Variants in VWA5B1 observed in about 807,000 individuals in gnomAD.
The protein encoded by VWA5B1 is von Willebrand factor A domain-containing protein 5B1.
A neutral mutation model predicts 118.2 loss-of-function variants in VWA5B1; 115 were observed. The observed-to-expected ratio is 0.97, with a 90% confidence interval of 0.84 to 1.14. The LOEUF is 1.14. Ranked by LOEUF, VWA5B1 falls within the 50% of genes most tolerant of loss-of-function variation. The pLI is 0.00. For missense variants in VWA5B1, 1,596 were observed against 1,603.8 expected, an observed-to-expected ratio of 1.00 and a Z score of 0.08; for synonymous variants, 682 against 658.4, an observed-to-expected ratio of 1.04 and a Z score of -0.55.
rs549271892 is a variant in VWA5B1 at position 20,337,554 on chromosome 1, C to T, written c.1943-92C>T. 80 of 1,374,030 alleles carry T rather than the reference C, an allele frequency of 5.8e-5. No homozygotes were observed. The South Asian group carries it at 8.4e-4, about 15-fold the overall frequency. 85.1% of individuals were successfully genotyped at this position (1,374,030 alleles called of 1,614,324 possible). On this transcript the variant is annotated intron_variant, in intron 13 of 21. Transcript: ENST00000289815. The stretch of plus-strand genomic sequence containing the variant: ...ATTTCAGTAGGCAAGAGGTGGAGAA[C>T]GTGAGACACTTCCAAACAGGAAAGG...
chr1:20,353,948 C>T lies in VWA5B1; in HGVS notation c.3333C>T (p.Ser1111=), dbSNP rs2090181910. Residue 1111 remains serine (S), a synonymous_variant, in exon 22 of 22, where the codon TCC becomes TCT. Transcript: ENST00000289815. ...CCAGCTCCCCGCCTAGGCACCCGTC[C>T]TGTGACAGCTTCTCCCTGGAGCCTC... ...LCTSSPPRHP[S]CDSFSLEPLA... is the part of the protein sequence containing the mutation. The T allele has an allele frequency of 2.6e-6, 4 of 1,551,526 alleles. No individual in the cohort carries two copies. The highest frequency in any genetic ancestry group is 1.4e-5 in the African/African-American group (1 of 73,194).
chr1:20,352,851 G>A (rs2090156500), intron 21 of VWA5B1, among the ~76,000 whole-genome samples: 1 of 152,200 alleles, frequency 6.6e-6, no homozygotes, highest in Admixed American at 6.5e-5. Flanking sequence ...TACTCAACAA[G>A]TATTTATTGA....
At chr1:20,309,041 A>C (rs1280294869) in intron 1 of VWA5B1, among the ~76,000 whole-genome samples, 1 of 152,036 alleles carries the variant, frequency 6.6e-6, no homozygotes, top group Non-Finnish European at 1.5e-5. Flanking sequence ...CCACTTCTTC[A>C]AGGCATGTGA....
rs1285886556 is a variant in VWA5B1 at position 20,358,632 on chromosome 1, T to G, written c.*4369T>G. On this transcript the variant is annotated 3_prime_UTR_variant, in exon 22 of 22. Transcript: ENST00000289815. ...TAACATCTCTAAGTGGTCTCTAGAA[T>G]CAAATGCACTCCATACTTTTAGTGC... is the stretch of plus-strand genomic sequence containing the variant. 6.6e-6 allele frequency among the ~76,000 whole-genome samples: 1 copy of G among 152,120 alleles called. No individual in the cohort carries two copies. Among genetic ancestry groups the G allele is most frequent in the African/African-American group, 2.4e-5 (1 of 41,422 alleles).
chr1:20,307,843 T>C (rs10916757), intron 1 of VWA5B1, among the ~76,000 whole-genome samples: 36,782 of 150,766 alleles, frequency 0.24, 4,874 homozygotes, highest in East Asian at 0.4. Context: ...GATTTTGGTT[T>C]TTTATTTGCG....
chr1:20,340,746 G>A (rs894309193), intron 14 of VWA5B1, among the ~76,000 whole-genome samples: 1 of 152,080 alleles, frequency 6.6e-6, no homozygotes, highest in Non-Finnish European at 1.5e-5. Flanking sequence ...AATTCAGTCA[G>A]GTATAAAGTA....
chr1:20,346,452 T>G (rs1438235964), intron 17 of VWA5B1, among the ~76,000 whole-genome samples: 4 of 152,234 alleles, frequency 2.6e-5, no homozygotes, highest in Non-Finnish European at 4.4e-5. Context: ...TTATTCCCCA[T>G]TTGGTTATTG....
intron 1 of VWA5B1, among the ~76,000 whole-genome samples, chr1:20,303,923 C>T (rs1048206976): frequency 3.9e-5 from 6 of 152,182 alleles, no homozygotes; most frequent in African/African-American, 1.2e-4. Context: ...CTTTGGAGTC[C>T]GGGCTGGTTT....
At position 20,310,752 on chromosome 1, in the gene VWA5B1, T is replaced by C. The variant is rs1445644811; in HGVS notation, c.139+12T>C. 6.5e-7 allele frequency: 1 copy of C among 1,531,560 alleles called. No individual in the cohort carries two copies. The highest frequency in any genetic ancestry group is 8.8e-7 in the Non-Finnish European group (1 of 1,139,454). 94.9% of individuals were successfully genotyped at this position (1,531,560 alleles called of 1,614,324 possible). A position where few individuals can be genotyped will look rare whatever the true frequency, so the allele number is the denominator to read the frequency against. Reference sequence around the variant, plus strand: ...CCAGCCCTTCCAGGGTAAGGACACCTGCTGGGGCCTCCCCGGGACCACCCC... The same window carrying C: ...CCAGCCCTTCCAGGGTAAGGACACCCGCTGGGGCCTCCCCGGGACCACCCC... On this transcript the variant is annotated intron_variant, in intron 2 of 21. Transcript: ENST00000289815.
intron 11 of VWA5B1, 114 bp downstream of exon 11, chr1:20,331,097 A>G: frequency 1.2e-6 from 1 of 800,496 alleles, no homozygotes; most frequent in East Asian, 2.8e-5. Flanking sequence ...TGAGCTCTTC[A>G]CTAGGCCACA....
chr1:20,293,532 C>G (rs932228824), intron 1 of VWA5B1, among the ~76,000 whole-genome samples: 2 of 152,198 alleles, frequency 1.3e-5, no homozygotes, highest in Non-Finnish European at 2.9e-5. Flanking sequence ...ACACAACCTC[C>G]AGTGACCAAT....
chr1:20,291,339 C>CTCTTTCTT (rs767987500), intron 1 of VWA5B1, among the ~76,000 whole-genome samples: 15 of 135,018 alleles, frequency 1.1e-4, no homozygotes, highest in South Asian at 5.1e-4. Context: ...CTCTCTCTCT[C>CTCTTTCTT]TCTTTCTTTC....
rs1376305429 is a variant in VWA5B1 at position 20,330,314 on chromosome 1, C to T, written c.1389C>T (p.Ile463=). The T allele has an allele frequency of 1.3e-6, 2 of 1,551,680 alleles. No individual in the cohort carries two copies. Among genetic ancestry groups the T allele is most frequent in the Non-Finnish European group, 1.7e-6 (2 of 1,147,038 alleles). The change falls in exon 10 of 22, where the codon ATC becomes ATT. Residue 463 remains isoleucine (I), a synonymous_variant. Coordinates refer to ENST00000289815, the MANE Select transcript of VWA5B1 (RefSeq NM_001039500.3). ...HRGHPRLLFV[I]TDGAVNNTGK... The stretch of plus-strand genomic sequence containing the variant: ...GCCACCCGCGGCTCCTCTTCGTGAT[C>T]ACAGATGGCGCTGTCAACAACACAG...
chr1:20,307,276 G>A (rs1283840197), intron 1 of VWA5B1, among the ~76,000 whole-genome samples: 1 of 152,184 alleles, frequency 6.6e-6, no homozygotes, highest in Non-Finnish European at 1.5e-5. Context: ...GGTGTTTCCT[G>A]TGGCCCGCGC....
At chr1:20,297,996 A>ATTT (rs60497976) in intron 1 of VWA5B1, among the ~76,000 whole-genome samples, 6,559 of 125,512 alleles carry the variant, frequency 0.052, 275 homozygotes, top group Non-Finnish European at 0.062. Flanking sequence ...TCGGTGGTGG[A>ATTT]TTTTTTTTTT....
chr1:20,342,368 CCTT>C, intron 14 of VWA5B1, 61 bp from the exon 15 acceptor site: 4 of 1,512,498 alleles, frequency 2.6e-6, no homozygotes, highest in Admixed American at 2.0e-5. Context: ...TCTTCCTCCT[CCTT>C]CTCCTCCTCC....
intron 6 of VWA5B1, among the ~76,000 whole-genome samples, chr1:20,318,923 G>A (rs2089117644): frequency 6.6e-6 from 1 of 152,172 alleles, no homozygotes; most frequent in Non-Finnish European, 1.5e-5. Flanking sequence ...AGTGTCTCCT[G>A]CCCTGATTCA....
At position 20,336,337 on chromosome 1, in the gene VWA5B1, A is replaced by G. The variant is rs765082578; in HGVS notation, c.1793A>G (p.Gln598Arg). 2.6e-6 allele frequency: 4 copies of G among 1,517,270 alleles called. No individual in the cohort carries two copies. The highest frequency in any genetic ancestry group is 3.5e-6 in the Non-Finnish European group (4 of 1,128,800). The allele number at this position is 1,517,270 out of a possible 1,614,324, so 94.0% of individuals were successfully genotyped here. ...CGCCGGTACAGCATGCTGCACTCTCAGGAGTCTGGCAGCTCTGTCTTCTAC... is the reference window on the plus strand; with the variant it reads ...CGCCGGTACAGCATGCTGCACTCTCGGGAGTCTGGCAGCTCTGTCTTCTAC... ...KRRRYSMLHS[Q>R]ESGSSVFYHS... is the part of the protein sequence containing the mutation. The change falls in exon 13 of 22, where the codon CAG becomes CGG. Residue 598 changes from glutamine to arginine, a missense_variant. Physicochemically the swap from Gln to Arg is conservative, Grantham distance 43 (BLOSUM62 1). Transcript: ENST00000289815.
At position 20,330,616 on chromosome 1, in the gene VWA5B1, G is replaced by C. The variant is rs189369011; in HGVS notation, c.1457+234G>C. Reference sequence around the variant, plus strand: ...ACACGACTCACAAGAGAAGCCCAGGGAGAGGTCCCACAGCCAAGGGAGAGG... The same window carrying C: ...ACACGACTCACAAGAGAAGCCCAGGCAGAGGTCCCACAGCCAAGGGAGAGG... On this transcript the variant is annotated intron_variant, in intron 10 of 21. Coordinates refer to ENST00000289815, the MANE Select transcript of VWA5B1 (RefSeq NM_001039500.3). Among the ~76,000 whole-genome samples the C allele has an allele frequency of 5.7e-3, 875 of 152,362 alleles. 10 individuals carry two copies. The highest frequency in any genetic ancestry group is 8.8e-3 in the Non-Finnish European group (598 of 68,038).
Sources: allele counts gnomAD v4.1 joint callset (sites outside exome capture counted in the v4.1 genomes callset), GRCh38; gene constraint gnomAD v4.1.1; transcripts MANE v1.5; gene names NCBI Gene and HGNC (gene_info 2026-07-23, HGNC 2026-07-21).